MGAT5: variants seen among roughly 807,000 people sequenced by gnomAD.
MGAT5 encodes the protein alpha-1,6-mannosylglycoprotein 6-beta-N-acetylglucosaminyltransferase, also known as alpha-1,6-mannosylglycoprotein 6-beta-N-acetylglucosaminyltransferase A.
MGAT5 carries 30 observed loss-of-function variants against 94.3 expected under a neutral mutation model. The observed-to-expected ratio is 0.32, with a 90% CI of 0.24 to 0.43. The LOEUF is 0.43. Among genes scored for constraint, MGAT5 ranks in the 20% least tolerant of loss-of-function variants. The pLI is 1.00. For synonymous variants in MGAT5, 310 were observed against 322.9 expected, an observed-to-expected ratio of 0.96 and a Z score of 0.43; for missense variants, 691 against 905.5, an observed-to-expected ratio of 0.76 and a Z score of 3.04.
At chr2:134,244,873 A>G (rs190807428) in intron 1 of MGAT5, among the ~76,000 whole-genome samples, 42 of 152,272 alleles carry the variant, frequency 2.8e-4, no homozygotes, top group African/African-American at 9.9e-4. Context: ...CAATGCTGTT[A>G]AACCTCTAAT....
At chr2:134,224,131 C>T (rs1174602833) in intron 1 of MGAT5, among the ~76,000 whole-genome samples, 1 of 152,076 alleles carries the variant, frequency 6.6e-6, no homozygotes, top group Non-Finnish European at 1.5e-5. Context: ...CTCGTCATGG[C>T]ATTTATTTAT....
intron 10 of MGAT5, among the ~76,000 whole-genome samples, chr2:134,374,836 T>TA (rs1229593090): frequency 6.6e-6 from 1 of 152,150 alleles, no homozygotes; most frequent in East Asian, 1.9e-4. Flanking sequence ...CTTCTAAAAA[T>TA]ACATAAATTA....
intron 1 of MGAT5, among the ~76,000 whole-genome samples, chr2:134,177,039 C>T (rs1448902982): frequency 6.6e-6 from 1 of 151,792 alleles, no homozygotes; most frequent in Non-Finnish European, 1.5e-5. Flanking sequence ...AAGGGACATG[C>T]TGCAGTTATC....
In MGAT5 at chr2:134,318,754, G is replaced by T; in HGVS notation, c.573+15G>T. On this transcript the variant is annotated intron_variant, in intron 4 of 15. Transcript: ENST00000281923. Reference sequence around the variant, plus strand: ...ACCTCAGTGAGGTGAGTAGCTTTCTGTGGCTCCTGGGGGTAGATGTGACTG... The same window carrying T: ...ACCTCAGTGAGGTGAGTAGCTTTCTTTGGCTCCTGGGGGTAGATGTGACTG... 2 of 1,584,536 alleles carry T rather than the reference G, an allele frequency of 1.3e-6. No individual in the cohort carries two copies. Among genetic ancestry groups the T allele is most frequent in the Middle Eastern group, 1.7e-4 (1 of 5,992 alleles).
intron 5 of MGAT5, among the ~76,000 whole-genome samples, chr2:134,337,278 C>T (rs1171785849): frequency 6.6e-6 from 1 of 152,144 alleles, no homozygotes; most frequent in Non-Finnish European, 1.5e-5. Context: ...CATTTGAGAC[C>T]AGCCTGGGCA....
At chr2:134,417,011 T>G (rs1558871300) in intron 12 of MGAT5, among the ~76,000 whole-genome samples, 1 of 152,072 alleles carries the variant, frequency 6.6e-6, no homozygotes, top group Non-Finnish European at 1.5e-5. Context: ...TATATATAAA[T>G]CATTTTGTTT....
At chr2:134,122,861 C>T (rs13424380) in intron 1 of MGAT5, among the ~76,000 whole-genome samples, 6,253 of 152,314 alleles carry the variant, frequency 0.041, 406 homozygotes, top group African/African-American at 0.14. Context: ...GAGGGCTCTG[C>T]CCAGATCTGC....
chr2:134,262,772 C>T (rs1300566891), intron 1 of MGAT5, among the ~76,000 whole-genome samples: 1 of 152,218 alleles, frequency 6.6e-6, no homozygotes, highest in African/African-American at 2.4e-5. Flanking sequence ...CCAGGCATAA[C>T]TGTTCATGTA....
intron 1 of MGAT5, among the ~76,000 whole-genome samples, chr2:134,202,436 T>G (rs80161366): frequency 0.012 from 1,828 of 152,338 alleles, 35 homozygotes; most frequent in African/African-American, 0.042. Context: ...GATGCCAAAT[T>G]TGTTGGCGCC....
At chr2:134,443,184 T>TTG (rs1685581830) in intron 15 of MGAT5, among the ~76,000 whole-genome samples, 8 of 150,412 alleles carry the variant, frequency 5.3e-5, no homozygotes, top group African/African-American at 2.0e-4. Context: ...TATGTTTTTT[T>TTG]TTGTTGTTGT....
At chr2:134,448,347 A>G (rs1401806506) in intron 15 of MGAT5, among the ~76,000 whole-genome samples, 1 of 152,196 alleles carries the variant, frequency 6.6e-6, no homozygotes, top group Non-Finnish European at 1.5e-5. Flanking sequence ...TTATTTGGCC[A>G]TTCCCTGCTT....
chr2:134,381,892 G>GT lies in MGAT5; in HGVS notation c.1380+19490dup, dbSNP rs199723925. On this transcript the variant is annotated intron_variant, in intron 10 of 15. Transcript: ENST00000281923. Reference sequence around the variant, plus strand: ...GGACCCTGCTTAAGCATGAACATAGGTTTTTTATGGTAAAAATACATTTGA... The same window carrying GT: ...GGACCCTGCTTAAGCATGAACATAGGTTTTTTTATGGTAAAAATACATTTGA... 2.5e-3 allele frequency among the ~76,000 whole-genome samples: 383 copies of GT among 152,198 alleles called. 2 individuals are homozygous for GT. Among genetic ancestry groups the GT allele is most frequent in the East Asian group, 0.018 (93 of 5,176 alleles).
intron 1 of MGAT5, among the ~76,000 whole-genome samples, chr2:134,152,962 G>A (rs1687298111): frequency 6.9e-6 from 1 of 145,228 alleles, no homozygotes; most frequent in African/African-American, 2.6e-5. Flanking sequence ...GGAGTGCAGT[G>A]GTGTGATCTT....
intron 1 of MGAT5, among the ~76,000 whole-genome samples, chr2:134,166,737 A>G (rs931436027): frequency 1.3e-5 from 2 of 152,210 alleles, no homozygotes; most frequent in Middle Eastern, 3.2e-3. Context: ...TATTTAGGAA[A>G]TGTCTCTGAA....
intron 15 of MGAT5, among the ~76,000 whole-genome samples, chr2:134,446,462 C>G (rs1156670018): frequency 6.6e-6 from 1 of 152,088 alleles, no homozygotes; most frequent in African/African-American, 2.4e-5. Context: ...AAATATAAAC[C>G]TGTATCCCAA....
rs1573673956 is a variant in MGAT5 at position 134,274,506 on chromosome 2, T to C, written c.406+3956T>C. On this transcript the variant is annotated intron_variant, in intron 2 of 15. Coordinates refer to ENST00000281923, the MANE Select transcript of MGAT5 (RefSeq NM_002410.5). ...GTGATAGTTACAATCCTAGATGTGATAGTTACAATCCTAGATTGTGATACT... is the reference window on the plus strand; with the variant it reads ...GTGATAGTTACAATCCTAGATGTGACAGTTACAATCCTAGATTGTGATACT... 2.0e-5 allele frequency among the ~76,000 whole-genome samples: 3 copies of C among 152,338 alleles called. No individual in the cohort carries two copies. The East Asian group carries it at 5.8e-4, about 29-fold the overall frequency.
At chr2:134,219,557 TCCTGAGGTGCC>T (rs935904154) in intron 1 of MGAT5, among the ~76,000 whole-genome samples, 1 of 152,140 alleles carries the variant, frequency 6.6e-6, no homozygotes, top group African/African-American at 2.4e-5. Context: ...TTCCAAACTG[TCCTGAGGTGCC>T]CCGGAGTGCC....
At chr2:134,364,692 A>G (rs537267386) in intron 10 of MGAT5, among the ~76,000 whole-genome samples, 1 of 152,334 alleles carries the variant, frequency 6.6e-6, no homozygotes, top group Non-Finnish European at 1.5e-5. Flanking sequence ...TTGCCTGAGT[A>G]ATAACACCCA....
chr2:134,207,486 C>T (rs1169205800), intron 1 of MGAT5, among the ~76,000 whole-genome samples: 1 of 152,008 alleles, frequency 6.6e-6, no homozygotes, highest in Non-Finnish European at 1.5e-5. Flanking sequence ...CTTCCAATTG[C>T]CTGAGCCAGC....
Sources: gnomAD v4.1 joint callset for allele counts (sites outside exome capture counted in the v4.1 genomes callset) on GRCh38, gnomAD v4.1.1 for gene constraint, MANE v1.5 for transcripts, NCBI Gene and HGNC (gene_info 2026-07-23, HGNC 2026-07-21) for gene names.